AGAP1: variants seen among roughly 807,000 people sequenced by gnomAD.
The protein encoded by AGAP1 is ArfGAP with GTPase domain, ankyrin repeat and PH domain 1, also known as arf-GAP with GTPase, ANK repeat and PH domain-containing protein 1.
A neutral mutation model predicts 105.3 loss-of-function variants in AGAP1; 29 were observed. That is an observed-to-expected ratio of 0.28 (90% CI 0.21 to 0.38). The LOEUF (loss-of-function observed/expected upper bound fraction) is 0.38, where lower values mean the gene tolerates loss of function less well. Among genes scored for constraint, AGAP1 ranks in the 10% least tolerant of loss-of-function variants. AGAP1 has a pLI of 1.00. For missense variants in AGAP1, 998 were observed against 1,165.1 expected (o/e 0.86, Z 2.09); for synonymous variants, 509 against 485.9 (o/e 1.05, Z -0.63).
rs1950261550 is a variant in AGAP1 at position 235,701,531 on chromosome 2, G to C, written c.164-7648G>C. Among the ~76,000 whole-genome samples, 2 of 152,184 alleles carry C rather than the reference G, an allele frequency of 1.3e-5. No homozygotes were observed. ...GTCTTGTCTGTGGATCTTTGAGGCT[G>C]CTGAAAAGGATCTTTGAGCCTGAAC... On this transcript the variant is annotated intron_variant, in intron 1 of 17. Transcript: ENST00000304032. This position sits in a 1 kb window ranked among gnomAD's most constrained non-coding sequence, Gnocchi z 4.1.
intron 1 of AGAP1, among the ~76,000 whole-genome samples, chr2:235,602,689 C>T (rs186476223): frequency 1.2e-4 from 18 of 149,206 alleles, no homozygotes; most frequent in South Asian, 2.1e-4. Flanking sequence ...AGCAGTTATC[C>T]GCATCAGACA....
chr2:236,081,072 C>G (rs1318322597), intron 16 of AGAP1, among the ~76,000 whole-genome samples: 1 of 152,170 alleles, frequency 6.6e-6, no homozygotes, highest in Admixed American at 6.5e-5. Context: ...GATACTGTGG[C>G]CCATGTCATC....
rs1007136741 is a variant in AGAP1 at position 236,053,684 on chromosome 2, C to A, written c.2114+4403C>A. Among the ~76,000 whole-genome samples the A allele has an allele frequency of 6.6e-6, 1 of 152,232 alleles. No homozygotes were observed. Among genetic ancestry groups the A allele is most frequent in the South Asian group, 2.1e-4 (1 of 4,832 alleles). On this transcript the variant is annotated intron_variant, in intron 16 of 17. Transcript: ENST00000304032. The surrounding 1 kb of genome is among the most constrained non-coding windows in gnomAD (Gnocchi z 4.6). The stretch of plus-strand genomic sequence containing the variant: ...TGGCCCCCAAGGCCCTGCAGGGACT[C>A]GCTGCTATTTGCATTTCAGTGCAGG...
intron 9 of AGAP1, among the ~76,000 whole-genome samples, chr2:235,870,396 G>A (rs1161772675): frequency 6.6e-6 from 1 of 152,212 alleles, no homozygotes; most frequent in Non-Finnish European, 1.5e-5. Flanking sequence ...GGAGGCTGAG[G>A]CAGGTGGATC....
chr2:235,996,513 A>G (rs914093923), intron 13 of AGAP1, among the ~76,000 whole-genome samples: 1 of 152,236 alleles, frequency 6.6e-6, no homozygotes, highest in African/African-American at 2.4e-5. Flanking sequence ...AATGCCAACC[A>G]TCTTGATTAG....
chr2:236,064,235 G>A, intron 16 of AGAP1, among the ~76,000 whole-genome samples: 1 of 152,194 alleles, frequency 6.6e-6, no homozygotes, highest in East Asian at 1.9e-4. Flanking sequence ...GGAGCATGGA[G>A]TTATGGCTGC....
chr2:235,685,950 G>T (rs1481312334), intron 1 of AGAP1, among the ~76,000 whole-genome samples: 3 of 152,136 alleles, frequency 2.0e-5, no homozygotes, highest in African/African-American at 7.2e-5. Flanking sequence ...CTCAAAGTGG[G>T]GAGGGGGCTT....
chr2:235,783,050 G>GTGTT lies in AGAP1; in HGVS notation c.674-14708_674-14707insGTTT, dbSNP rs765783060. ...TGTGTGTGTGTGTGTGTGTGTGTGT[G>GTGTT]TCTAGGTTGCAGAGTGAGGATCTGG... is the stretch of plus-strand genomic sequence containing the variant. On this transcript the variant is annotated intron_variant, in intron 6 of 17. Coordinates refer to ENST00000304032, the MANE Select transcript of AGAP1 (RefSeq NM_001037131.3). Among the ~76,000 whole-genome samples the GTGTT allele has an allele frequency of 1.4e-4, 12 of 83,398 alleles. 1 individual carries two copies. The highest frequency in any genetic ancestry group is 3.8e-4 in the African/African-American group (10 of 26,352). 54.7% of individuals were successfully genotyped at this position (83,398 alleles called of 152,430 possible).
chr2:235,938,605 G>C (rs1374928840), intron 12 of AGAP1, among the ~76,000 whole-genome samples: 3 of 152,322 alleles, frequency 2.0e-5, no homozygotes, highest in Admixed American at 2.0e-4. Context: ...TACCGGACCT[G>C]GTGGGGAAGG....
chr2:235,927,311 T>C lies in AGAP1; in HGVS notation c.1325-3454T>C, dbSNP rs1256854657. Among the ~76,000 whole-genome samples, 1 of 152,176 alleles carries C rather than the reference T, an allele frequency of 6.6e-6. No individual in the cohort carries two copies. The highest frequency in any genetic ancestry group is 2.4e-5 in the African/African-American group (1 of 41,442). ...ACCCCAGAGGTTCCAGGTTGGTTCC[T>C]TGGGGACTCTCTCAGGAGGCAGAAG... is the stretch of plus-strand genomic sequence containing the variant. On this transcript the variant is annotated intron_variant, in intron 11 of 17. Transcript: ENST00000304032. This position sits in a 1 kb window ranked among gnomAD's most constrained non-coding sequence, Gnocchi z 4.4.
intron 7 of AGAP1, among the ~76,000 whole-genome samples, chr2:235,798,322 TAAC>T (rs1055917180): frequency 2.6e-5 from 4 of 152,224 alleles, no homozygotes; most frequent in Non-Finnish European, 5.9e-5. Flanking sequence ...TATCTTTCCA[TAAC>T]AACATTTTGC....
At chr2:235,686,227 G>C (rs1386823426) in intron 1 of AGAP1, among the ~76,000 whole-genome samples, 2 of 152,108 alleles carry the variant, frequency 1.3e-5, no homozygotes, top group East Asian at 3.9e-4. Context: ...GCCTCCTGCT[G>C]TACGGGGCAC....
At position 235,692,886 on chromosome 2, in the gene AGAP1, C is replaced by CGAGG. The variant is rs1949804375; in HGVS notation, c.164-16280_164-16277dup. On this transcript the variant is annotated intron_variant, in intron 1 of 17. Transcript: ENST00000304032. This position sits in a 1 kb window ranked among gnomAD's most constrained non-coding sequence, Gnocchi z 5.8. ...TGGCACTGCCTGGCTCCGGAGATAG[C>CGAGG]GAGGGAGGGAGGGAGGCAGTGAGCA... Among the ~76,000 whole-genome samples the CGAGG allele has an allele frequency of 1.3e-5, 2 of 151,462 alleles. No homozygotes were observed. Among genetic ancestry groups the CGAGG allele is most frequent in the African/African-American group, 2.4e-5 (1 of 41,152 alleles).
intron 1 of AGAP1, among the ~76,000 whole-genome samples, chr2:235,524,086 T>A (rs1177375797): frequency 6.6e-6 from 1 of 152,174 alleles, no homozygotes; most frequent in Non-Finnish European, 1.5e-5. Flanking sequence ...CATGGGACTG[T>A]GGAAAGGGCT....
intron 1 of AGAP1, among the ~76,000 whole-genome samples, chr2:235,680,615 A>G (rs1949013346): frequency 6.6e-6 from 1 of 151,820 alleles, no homozygotes; most frequent in African/African-American, 2.4e-5. Flanking sequence ...GGAGCAAGTG[A>G]CATCCATTTT....
In AGAP1 at chr2:235,756,823, G is replaced by C. The variant is rs542161753; in HGVS notation, c.673+6335G>C. On this transcript the variant is annotated intron_variant, in intron 6 of 17. Transcript: ENST00000304032. ...TCCTTAGGAGACTCTAATGCCTGAC[G>C]AGCTGAGGTGGAACCGTTTCATCCC... Among the ~76,000 whole-genome samples the C allele has an allele frequency of 1.2e-4, 18 of 152,214 alleles. No homozygotes were observed. The South Asian group carries it at 3.7e-3, about 32-fold the overall frequency.
At position 235,736,242 on chromosome 2, in the gene AGAP1, C is replaced by T. The variant is rs1952245124; in HGVS notation, c.311-4721C>T. On this transcript the variant is annotated intron_variant, in intron 3 of 17. Coordinates refer to ENST00000304032, the MANE Select transcript of AGAP1 (RefSeq NM_001037131.3). This position sits in a 1 kb window ranked among gnomAD's most constrained non-coding sequence, Gnocchi z 5.5. ...GTGGTTCCAGGGTGGGCGCTGGTCC[C>T]TTCCCACGGAGCTCGCCTAGCACCT... is the stretch of plus-strand genomic sequence containing the variant. 6.6e-6 allele frequency among the ~76,000 whole-genome samples: 1 copy of T among 152,070 alleles called. No individual in the cohort carries two copies. The highest frequency in any genetic ancestry group is 1.5e-5 in the Non-Finnish European group (1 of 68,026).
At chr2:236,122,953 G>A (rs906854285) in intron 17 of AGAP1, among the ~76,000 whole-genome samples, 7 of 152,206 alleles carry the variant, frequency 4.6e-5, no homozygotes, top group Admixed American at 4.6e-4. Flanking sequence ...AAAGTGCTGG[G>A]ATTCCAGGCA....
At position 235,855,735 on chromosome 2, in the gene AGAP1, C is replaced by G. The variant is rs2048660075; in HGVS notation, c.1051-27610C>G. 6.6e-6 allele frequency among the ~76,000 whole-genome samples: 1 copy of G among 152,038 alleles called. No individual in the cohort carries two copies. The highest frequency in any genetic ancestry group is 1.5e-5 in the Non-Finnish European group (1 of 68,012). On this transcript the variant is annotated intron_variant, in intron 9 of 17. Coordinates refer to ENST00000304032, the MANE Select transcript of AGAP1 (RefSeq NM_001037131.3). The surrounding 1 kb of genome is among the most constrained non-coding windows in gnomAD (Gnocchi z 5.0). ...AGAGGATATTTGTTTGAATTGGAGA[C>G]TGGGTGTTGGTAAATGGGTGACAGT...
Sources: gnomAD v4.1 joint callset for allele counts (sites outside exome capture counted in the v4.1 genomes callset) on GRCh38, gnomAD v4.1.1 for gene constraint, Gnocchi (gnomAD v3.1) non-coding constraint, MANE v1.5 for transcripts, NCBI Gene and HGNC (gene_info 2026-07-23, HGNC 2026-07-21) for gene names.